Variants in PCDH15 observed in about 807,000 individuals in gnomAD.
PCDH15 encodes protocadherin related 15, also known as protocadherin-15.
Under a neutral mutation model 178.5 loss-of-function variants are expected in PCDH15, and 129 were observed. That is an observed-to-expected ratio of 0.72 (90% CI 0.63 to 0.84). The LOEUF (loss-of-function observed/expected upper bound fraction) is 0.84, where lower values mean the gene tolerates loss of function less well. Among genes scored for constraint, PCDH15 ranks in the 40% least tolerant of loss-of-function variants. The pLI is 0.00. For synonymous variants in PCDH15, 800 were observed against 732.0 expected, an observed-to-expected ratio of 1.09 and a Z score of -1.50; for missense variants, 2,230 against 2,099.9, an observed-to-expected ratio of 1.06 and a Z score of -1.21.
intron 2 of PCDH15, among the ~76,000 whole-genome samples, chr10:54,951,885 ATTGTT>A (rs1838350136): frequency 6.6e-6 from 1 of 151,900 alleles, no homozygotes; most frequent in Non-Finnish European, 1.5e-5. Context: ...TCCATTAGGA[ATTGTT>A]TTGTTTTATT....
At chr10:53,931,140 C>T (rs2085025537) in intron 25 of PCDH15, among the ~76,000 whole-genome samples, 1 of 152,186 alleles carries the variant, frequency 6.6e-6, no homozygotes, top group Non-Finnish European at 1.5e-5. Context: ...AACTCCAAAG[C>T]TTTTCAGATT....
chr10:55,331,736 T>C (rs1844204688), intron 2 of PCDH15, among the ~76,000 whole-genome samples: 1 of 152,096 alleles, frequency 6.6e-6, no homozygotes. Flanking sequence ...GTGGCCTTTG[T>C]GAACAAGGTA....
At chr10:53,880,287 T>C (rs1382269339) in intron 26 of PCDH15, among the ~76,000 whole-genome samples, 2 of 152,204 alleles carry the variant, frequency 1.3e-5, no homozygotes, top group East Asian at 3.8e-4. Flanking sequence ...CAGGAAGACT[T>C]GTATTTTAAT....
rs768265875 is a variant in PCDH15, at chr10:53,938,800, A to G, written c.3373+15T>C. On this transcript the variant is annotated intron_variant, in intron 25 of 37. Coordinates refer to ENST00000644397, the MANE Select transcript of PCDH15 (RefSeq NM_001384140.1). Reference sequence around the variant, plus strand: ...CCATACAATTCTGGTAAAAGCTTTAAGTAGTATAACTTACTTTTTGAAGGA... The same window carrying G: ...CCATACAATTCTGGTAAAAGCTTTAGGTAGTATAACTTACTTTTTGAAGGA... 6.2e-7 allele frequency: 1 copy of G among 1,611,546 alleles called. No homozygotes were observed. The highest frequency in any genetic ancestry group is 8.5e-7 in the Non-Finnish European group (1 of 1,179,308).
chr10:54,963,074 T>C (rs1436499390), intron 2 of PCDH15, among the ~76,000 whole-genome samples: 1 of 152,246 alleles, frequency 6.6e-6, no homozygotes, highest in East Asian at 1.9e-4. Context: ...TAGAAGGTTT[T>C]AGTTAAATAC....
At chr10:54,140,303 A>T (rs1224265073) in intron 14 of PCDH15, among the ~76,000 whole-genome samples, 2 of 152,188 alleles carry the variant, frequency 1.3e-5, no homozygotes, top group Admixed American at 6.5e-5. Context: ...TTTCTTAGTT[A>T]CAGAAAATGT....
chr10:54,245,393 T>C (rs2131985713), intron 8 of PCDH15, among the ~76,000 whole-genome samples: 1 of 152,222 alleles, frequency 6.6e-6, no homozygotes, highest in East Asian at 1.9e-4. Flanking sequence ...GGATTTTTAA[T>C]AAAGAATGAT....
intron 9 of PCDH15, among the ~76,000 whole-genome samples, chr10:54,224,027 T>A (rs1249525544): frequency 1.3e-5 from 2 of 152,092 alleles, no homozygotes; most frequent in African/African-American, 4.8e-5. Flanking sequence ...GAGCACTACC[T>A]CAAAAAATAC....
intron 6 of PCDH15, among the ~76,000 whole-genome samples, chr10:54,340,639 T>G (rs908200668): frequency 6.6e-6 from 1 of 152,058 alleles, no homozygotes; most frequent in Non-Finnish European, 1.5e-5. Context: ...AGAGCAGGAA[T>G]GAAAGCAAGC....
rs375371706 is a variant in PCDH15 at position 54,549,166 on chromosome 10, C to T, written c.92-21289G>A. Reference sequence around the variant, plus strand: ...TTGTTAAGTCTGCATTATTTTGATACTTTATGTTTTTTATTATTTATTTTT... The same window carrying T: ...TTGTTAAGTCTGCATTATTTTGATATTTTATGTTTTTTATTATTTATTTTT... On this transcript the variant is annotated intron_variant, in intron 2 of 37. Coordinates refer to ENST00000644397, the MANE Select transcript of PCDH15 (RefSeq NM_001384140.1). 7.7e-4 allele frequency among the ~76,000 whole-genome samples: 117 copies of T among 151,048 alleles called. 3 individuals are homozygous for T. In the South Asian group the frequency reaches 0.022, roughly 28 times the overall value.
intron 7 of PCDH15, among the ~76,000 whole-genome samples, chr10:54,328,759 G>C (rs374853494): frequency 6.6e-6 from 1 of 151,488 alleles, no homozygotes; most frequent in African/African-American, 2.4e-5. Flanking sequence ...CCTCCCAGCT[G>C]ATAAGGCATT....
chr10:54,704,224 C>T (rs376072736), intron 1 of PCDH15, among the ~76,000 whole-genome samples: 2 of 151,986 alleles, frequency 1.3e-5, no homozygotes, highest in Admixed American at 6.6e-5. Flanking sequence ...AAAGCAATTG[C>T]AACCAAAACA....
At chr10:55,325,567 C>T (rs934400761) in intron 2 of PCDH15, among the ~76,000 whole-genome samples, 1 of 152,096 alleles carries the variant, frequency 6.6e-6, no homozygotes, top group Non-Finnish European at 1.5e-5. Context: ...CAAAAATCAA[C>T]TCAAAATGGA....
At chr10:54,687,768 A>G (rs2095040254) in intron 1 of PCDH15, among the ~76,000 whole-genome samples, 1 of 152,068 alleles carries the variant, frequency 6.6e-6, no homozygotes, top group South Asian at 2.1e-4. Context: ...GTCATGGTGG[A>G]AGTCAGAATT....
At chr10:55,517,321 T>C (rs73269381) in intron 2 of PCDH15, among the ~76,000 whole-genome samples, 147 of 152,232 alleles carry the variant, frequency 9.7e-4, no homozygotes, top group African/African-American at 3.3e-3. Flanking sequence ...TTTTGAGCAC[T>C]GAAGTCCTAT....
At chr10:55,415,325 A>C (rs2132039095) in intron 2 of PCDH15, among the ~76,000 whole-genome samples, 1 of 151,758 alleles carries the variant, frequency 6.6e-6, no homozygotes, top group Non-Finnish European at 1.5e-5. Context: ...TGCCTTATAA[A>C]CTATCAGAGC....
chr10:54,098,743 T>C (rs1230708848), intron 15 of PCDH15, among the ~76,000 whole-genome samples: 1 of 152,192 alleles, frequency 6.6e-6, no homozygotes, highest in Admixed American at 6.5e-5. Context: ...ATCCTAGCCC[T>C]CTTTTACTAC....
At chr10:55,334,221 C>CATATATATATATATATATATATATATAT (rs34468887) in intron 2 of PCDH15, among the ~76,000 whole-genome samples, 2 of 62,854 alleles carry the variant, frequency 3.2e-5, no homozygotes, top group East Asian at 3.8e-4. Flanking sequence ...TAGGGTGCTC[C>CATATATATATATATATATATATATATAT]ATATATATAT....
chr10:54,369,300 T>A, intron 4 of PCDH15, 25 bp from the exon 5 acceptor site: 1 of 1,608,134 alleles, frequency 6.2e-7, no homozygotes, highest in Non-Finnish European at 8.5e-7. Flanking sequence ...TTGCATCTTT[T>A]AAAATACTAA....
Sources: allele counts gnomAD v4.1 joint callset (sites outside exome capture counted in the v4.1 genomes callset), GRCh38; gene constraint gnomAD v4.1.1; transcripts MANE v1.5; gene names NCBI Gene and HGNC (gene_info 2026-07-23, HGNC 2026-07-21).